Variants in RGS19 observed in about 807,000 individuals in gnomAD.
RGS19 encodes the protein G alpha interacting protein.
In RGS19, 9 loss-of-function variants were observed where a neutral mutation model predicts 22.0. The observed-to-expected ratio is 0.41, with a 90% CI of 0.25 to 0.71. The LOEUF is 0.71. Ranked by LOEUF, RGS19 falls within the 30% of genes least tolerant of loss-of-function variation. The probability of loss-of-function intolerance (pLI) is 0.32; values close to 1 mark genes in which losing one functional copy is unlikely to be tolerated. For missense variants in RGS19, 256 were observed against 307.1 expected (o/e 0.83, Z 1.24); for synonymous variants, 130 against 127.3 (o/e 1.02, Z -0.14).
Position 64,073,215 on chromosome 20 carries a change from C to T in RGS19, c.*638G>A, listed in dbSNP as rs949247014. 6.6e-6 allele frequency: 1 copy of T among 152,206 alleles called. No homozygotes were observed. Among genetic ancestry groups the T allele is most frequent in the African/African-American group, 2.4e-5 (1 of 41,450 alleles). 9.4% of individuals were successfully genotyped at this position (152,206 alleles called of 1,614,324 possible). ...AAAATATCTTCAATAATAAGACATC[C>T]TATTTTTGGGGGGTTAGGGATAGAG... is the stretch of plus-strand genomic sequence containing the variant. On this transcript the variant is annotated 3_prime_UTR_variant, in exon 6 of 6. Coordinates refer to ENST00000395042, the MANE Select transcript of RGS19 (RefSeq NM_005873.3).
chr20:64,077,898 C>T (rs771699709), intron 1 of RGS19, among the ~76,000 whole-genome samples: 3 of 152,180 alleles, frequency 2.0e-5, no homozygotes, highest in Non-Finnish European at 2.9e-5. Flanking sequence ...ATCAGTGCCC[C>T]GGAGGCAGTT....
In RGS19 at chr20:64,074,076, C is replaced by T. The variant is rs375846307; in HGVS notation, c.463-32G>A. The T allele has an allele frequency of 7.3e-5, 117 of 1,602,252 alleles. No individual in the cohort carries two copies. The African/African-American group carries it at 1.1e-3, about 14-fold the overall frequency. On this transcript the variant is annotated intron_variant, in intron 5 of 5. Coordinates refer to ENST00000395042, the MANE Select transcript of RGS19 (RefSeq NM_005873.3). ...GACAAGACACTGAGGTCAGGGGGTGCGGGAGCTGCCTTCCCCACCTAGTGC... is the reference window on the plus strand; with the variant it reads ...GACAAGACACTGAGGTCAGGGGGTGTGGGAGCTGCCTTCCCCACCTAGTGC...
In RGS19 at chr20:64,076,609, A is replaced by G. The variant is rs1375975193; in HGVS notation, c.68T>C (p.Met23Thr). ...TGGAGAGGCTGTATCATGACTGGAC[A>G]TTGAAGGGGGCCGGTCCGCCTCCTC... The part of the protein sequence containing the change: ...GPEEADRPPS[M>T]SSHDTASPAA... The change falls in exon 3 of 6, where the codon ATG becomes ACG. Residue 23 changes from methionine (M) to threonine (T), a missense_variant. By Grantham distance (81) the Met-to-Thr change is moderately conservative. Transcript: ENST00000395042. 1.2e-6 allele frequency: 2 copies of G among 1,609,672 alleles called. No individual in the cohort carries two copies. The highest frequency in any genetic ancestry group is 1.7e-6 in the Non-Finnish European group (2 of 1,178,538).
chr20:64,076,509 C>G lies in RGS19; in HGVS notation c.152+16G>C. On this transcript the variant is annotated intron_variant, in intron 3 of 5. Transcript: ENST00000395042. ...CTCGACCCCCTCGCCAGCTGGGCAC[C>G]CCAGGCCCTACTCACCAGGAGCAGC... 6.2e-7 allele frequency: 1 copy of G among 1,612,592 alleles called. No homozygotes were observed. The highest frequency in any genetic ancestry group is 2.2e-5 in the East Asian group (1 of 44,890).
chr20:64,073,673 T>C lies in RGS19; in HGVS notation c.*180A>G. The C allele has an allele frequency of 1.7e-6, 1 of 582,114 alleles. No homozygotes were observed. The highest frequency in any genetic ancestry group is 3.0e-6 in the Non-Finnish European group (1 of 337,304). 36.1% of individuals were successfully genotyped at this position (582,114 alleles called of 1,614,324 possible). A position where few individuals can be genotyped will look rare whatever the true frequency, so the allele number is the denominator to read the frequency against. On this transcript the variant is annotated 3_prime_UTR_variant, in exon 6 of 6. Transcript: ENST00000395042. Reference sequence around the variant, plus strand: ...CCCGCCCTGCACCTGGAGTTCCTGCTTGGCCACGGGTGGGCAGACCCAGGA... The same window carrying C: ...CCCGCCCTGCACCTGGAGTTCCTGCCTGGCCACGGGTGGGCAGACCCAGGA...
chr20:64,078,732 A>G (rs949038812), intron 1 of RGS19, among the ~76,000 whole-genome samples: 4 of 151,662 alleles, frequency 2.6e-5, no homozygotes, highest in African/African-American at 9.7e-5. Context: ...TCCCCAGGCT[A>G]CCCTCCCCCC....
At chr20:64,076,709 C>A in intron 2 of RGS19, 63 bp from the exon 3 acceptor site, 2 of 1,527,770 alleles carry the variant, frequency 1.3e-6, no homozygotes, top group Admixed American at 1.9e-5. Context: ...CCACCTCTCC[C>A]CCACCTTCCC....
chr20:64,076,404 G>A, intron 3 of RGS19, 121 bp downstream of exon 3: 1 of 1,465,528 alleles, frequency 6.8e-7, no homozygotes, highest in Non-Finnish European at 9.2e-7. Flanking sequence ...AGTGCTGTGA[G>A]GTGGCAGGGG....
chr20:64,076,460 C>G (rs1368615902), intron 3 of RGS19, 65 bp downstream of exon 3: 4 of 1,598,194 alleles, frequency 2.5e-6, no homozygotes, highest in Non-Finnish European at 3.4e-6. Flanking sequence ...TGGGTCCCCT[C>G]CTGGGTCTGC....
At chr20:64,076,421 G>A in intron 3 of RGS19, 104 bp downstream of exon 3, 1 of 1,537,264 alleles carries the variant, frequency 6.5e-7, no homozygotes, top group Non-Finnish European at 8.8e-7. Context: ...GGGGCATCCT[G>A]CCTGCGGGGA....
chr20:64,078,066 T>C (rs1271597428), intron 1 of RGS19, among the ~76,000 whole-genome samples: 1 of 152,222 alleles, frequency 6.6e-6, no homozygotes, highest in Non-Finnish European at 1.5e-5. Flanking sequence ...CTCCCCTAGC[T>C]CGTGGCCTTT....
Position 64,079,097 on chromosome 20 carries a change from G to A in RGS19, c.-69+197C>T, listed in dbSNP as rs1312805007. Among the ~76,000 whole-genome samples the A allele has an allele frequency of 6.6e-6, 1 of 152,114 alleles. No homozygotes were observed. Among genetic ancestry groups the A allele is most frequent in the East Asian group, 1.9e-4 (1 of 5,180 alleles). Reference sequence around the variant, plus strand: ...TTCCCATCTGCCACCCTCCACATCTGGCTGGTGGGCGAGCCCTGGCCTGGC... The same window carrying A: ...TTCCCATCTGCCACCCTCCACATCTAGCTGGTGGGCGAGCCCTGGCCTGGC... On this transcript the variant is annotated intron_variant, in intron 1 of 5. Transcript: ENST00000395042. This position sits in a 1 kb window ranked among gnomAD's most constrained non-coding sequence, Gnocchi z 5.1.
intron 3 of RGS19, among the ~76,000 whole-genome samples, chr20:64,074,999 G>A (rs1047919022): frequency 6.6e-6 from 1 of 152,240 alleles, no homozygotes; most frequent in Non-Finnish European, 1.5e-5. Flanking sequence ...CTCCCCTGGG[G>A]GAGATGGGGT....
At position 64,074,210 on chromosome 20, in the gene RGS19, C is replaced by T. The variant is rs6122246; in HGVS notation, c.396G>A (p.Gln132=). ...GCCTCGCCTTCTCGTCTACCACATG[C>T]TGGTTGGCCTCGGCCTTCAGCTCCT... is the stretch of plus-strand genomic sequence containing the variant. The part of the protein sequence containing the change: ...ACEELKAEAN[Q]HVVDEKARLI... The change falls in exon 5 of 6, where the codon CAG becomes CAA. Residue 132 remains glutamine, a synonymous_variant. Coordinates refer to ENST00000395042, the MANE Select transcript of RGS19 (RefSeq NM_005873.3). 4.3e-6 allele frequency: 7 copies of T among 1,614,074 alleles called. No individual in the cohort carries two copies. In the South Asian group the frequency reaches 4.4e-5, roughly 10 times the overall value.
rs1003012415 is a variant in RGS19, at chr20:64,075,159, T to C, written c.153-618A>G. On this transcript the variant is annotated intron_variant, in intron 3 of 5. Coordinates refer to ENST00000395042, the MANE Select transcript of RGS19 (RefSeq NM_005873.3). This position sits in a 1 kb window ranked among gnomAD's most constrained non-coding sequence, Gnocchi z 4.6. Reference sequence around the variant, plus strand: ...ATGTGCCTGGGAACAGGGCCACCCATGGGAATGTGCCTGGGAACAGGGCCA... The same window carrying C: ...ATGTGCCTGGGAACAGGGCCACCCACGGGAATGTGCCTGGGAACAGGGCCA... 1.8e-4 allele frequency among the ~76,000 whole-genome samples: 19 copies of C among 106,090 alleles called. No individual in the cohort carries two copies. The highest frequency in any genetic ancestry group is 6.0e-4 in the African/African-American group (18 of 30,170). The allele number at this position is 106,090 out of a possible 152,430, so 69.6% of individuals were successfully genotyped here.
chr20:64,076,486 C>T (rs751757558), intron 3 of RGS19, 39 bp downstream of exon 3: 10 of 1,609,912 alleles, frequency 6.2e-6, no homozygotes, highest in South Asian at 2.2e-5. Flanking sequence ...CCCATGCCCT[C>T]GACCCCCTCG....
At chr20:64,077,381 G>A (rs374157699) in intron 1 of RGS19, among the ~76,000 whole-genome samples, 1 of 152,006 alleles carries the variant, frequency 6.6e-6, no homozygotes, top group East Asian at 1.9e-4. Flanking sequence ...GTGGGGAGTG[G>A]GCAGAGTGGC....
Position 64,076,572 on chromosome 20 carries a change from G to T in RGS19, c.105C>A (p.Ser35Arg), listed in dbSNP as rs775873443. 1.9e-6 allele frequency: 3 copies of T among 1,612,670 alleles called. No homozygotes were observed. The East Asian group carries it at 6.7e-5, about 36-fold the overall frequency. The change falls in exon 3 of 6, where the codon AGC becomes AGA. Residue 35 changes from serine to arginine, a missense_variant. Transcript: ENST00000395042. Reference protein sequence around the residue: ...SHDTASPAAPSRNPCCLCWCC... With the variant: ...SHDTASPAAPRRNPCCLCWCC... ...ACCAGCACAGGCAGCAGGGGTTGCG[G>T]CTGGGGGCCGCTGGAGAGGCTGTAT... is the stretch of plus-strand genomic sequence containing the variant.
At chr20:64,078,430 G>T (rs1190826587) in intron 1 of RGS19, among the ~76,000 whole-genome samples, 2 of 152,106 alleles carry the variant, frequency 1.3e-5, no homozygotes, top group Non-Finnish European at 2.9e-5. Flanking sequence ...ACCCAGACGG[G>T]GCTGTCTGTG....
Sources: allele counts gnomAD v4.1 joint callset (sites outside exome capture counted in the v4.1 genomes callset), GRCh38; gene constraint gnomAD v4.1.1; non-coding constraint Gnocchi (gnomAD v3.1); transcripts MANE v1.5; gene names NCBI Gene and HGNC (gene_info 2026-07-23, HGNC 2026-07-21).